Variants in STK39 observed in about 807,000 individuals in gnomAD.
The protein encoded by STK39 is serine/threonine kinase 39.
In STK39, 20 loss-of-function variants were observed where a neutral mutation model predicts 77.8. The ratio of observed to expected loss-of-function variants is 0.26; its 90% CI spans 0.18 to 0.37. The LOEUF is 0.37. Ranked by LOEUF, STK39 falls within the 10% of genes least tolerant of loss-of-function variation. STK39 has a pLI of 1.00. For missense variants in STK39, 479 were observed against 656.5 expected, an observed-to-expected ratio of 0.73 and a Z score of 2.95; for synonymous variants, 246 against 234.1, an observed-to-expected ratio of 1.05 and a Z score of -0.47.
intron 10 of STK39, among the ~76,000 whole-genome samples, chr2:168,097,144 G>A (rs1424911708): frequency 6.6e-6 from 1 of 152,192 alleles, no homozygotes; most frequent in Non-Finnish European, 1.5e-5. Flanking sequence ...ACTTGGAGAT[G>A]ACTGCTTTGA....
chr2:168,089,212 T>C (rs1257677556), intron 10 of STK39, among the ~76,000 whole-genome samples: 7 of 152,202 alleles, frequency 4.6e-5, no homozygotes, highest in Admixed American at 3.9e-4. Context: ...AAGAGTGTCC[T>C]AGAATGTTTT....
At chr2:168,013,080 A>G in intron 15 of STK39, among the ~76,000 whole-genome samples, 1 of 152,096 alleles carries the variant, frequency 6.6e-6, no homozygotes, top group Middle Eastern at 3.2e-3. Context: ...CTTTTTTATC[A>G]TTAGTAGCTA....
At chr2:168,114,184 G>C (rs1380182213) in intron 10 of STK39, among the ~76,000 whole-genome samples, 3 of 152,324 alleles carry the variant, frequency 2.0e-5, no homozygotes, top group East Asian at 1.9e-4. Flanking sequence ...AGCAAGAACA[G>C]TTTTATCTAA....
chr2:168,017,275 C>A (rs1275906430), intron 14 of STK39, among the ~76,000 whole-genome samples, 180 bp from the exon 15 acceptor site: 6 of 151,294 alleles, frequency 4.0e-5, no homozygotes. Flanking sequence ...GAAGAGATTT[C>A]TTTAATTTGA....
intron 14 of STK39, among the ~76,000 whole-genome samples, chr2:168,058,145 C>T (rs1685573498): frequency 6.6e-6 from 1 of 152,208 alleles, no homozygotes; most frequent in African/African-American, 2.4e-5. Context: ...ATCCCCTGTT[C>T]TCTCTTGCCA....
chr2:168,215,053 T>A (rs1689992559), intron 1 of STK39, among the ~76,000 whole-genome samples: 2 of 152,238 alleles, frequency 1.3e-5, no homozygotes, highest in African/African-American at 4.8e-5. Context: ...CAACACCGTA[T>A]TTGCGCTGAC....
intron 1 of STK39, among the ~76,000 whole-genome samples, chr2:168,189,866 C>A (rs953686566): frequency 6.6e-6 from 1 of 152,124 alleles, no homozygotes; most frequent in African/African-American, 2.4e-5. Context: ...GAACATGCAA[C>A]CTGGAGTAAA....
At chr2:167,988,007 A>G (rs1683604033) in intron 16 of STK39, among the ~76,000 whole-genome samples, 1 of 152,200 alleles carries the variant, frequency 6.6e-6, no homozygotes, top group African/African-American at 2.4e-5. Context: ...AGGCACACAG[A>G]GATGAAGCAA....
At chr2:168,140,413 A>C in intron 6 of STK39, 23 bp from the exon 7 acceptor site, 1 of 1,595,388 alleles carries the variant, frequency 6.3e-7, no homozygotes. Context: ...GCAGGAAAAA[A>C]ACACAATCAT....
chr2:168,071,816 G>C (rs1685947905), intron 12 of STK39, among the ~76,000 whole-genome samples: 1 of 150,550 alleles, frequency 6.6e-6, no homozygotes, highest in Non-Finnish European at 1.5e-5. Context: ...CTTGCAGAGA[G>C]CCGAGATTGC....
chr2:168,144,661 T>C (rs1055959698), intron 5 of STK39, among the ~76,000 whole-genome samples: 1 of 151,930 alleles, frequency 6.6e-6, no homozygotes, highest in African/African-American at 2.4e-5. Context: ...TTACCATGTA[T>C]GACTATTCTT....
chr2:168,095,840 A>G (rs995537796), intron 10 of STK39, among the ~76,000 whole-genome samples: 1 of 152,016 alleles, frequency 6.6e-6, no homozygotes, highest in Non-Finnish European at 1.5e-5. Context: ...ATAAATGTCT[A>G]CCAAGATGAC....
chr2:168,218,423 G>C (rs200222657), intron 1 of STK39, among the ~76,000 whole-genome samples: 1 of 152,194 alleles, frequency 6.6e-6, no homozygotes, highest in South Asian at 2.1e-4. Context: ...ATCAAAAATA[G>C]TGACCGTAGG....
intron 1 of STK39, among the ~76,000 whole-genome samples, chr2:168,190,238 G>A (rs780984280): frequency 4.6e-5 from 7 of 152,218 alleles, no homozygotes; most frequent in Non-Finnish European, 1.0e-4. Context: ...GAAGACACCC[G>A]CAGACAAGGC....
At chr2:168,152,107 C>A (rs576496749) in intron 5 of STK39, among the ~76,000 whole-genome samples, 1 of 152,202 alleles carries the variant, frequency 6.6e-6, no homozygotes, top group Non-Finnish European at 1.5e-5. Flanking sequence ...CCCAGATGTG[C>A]TGAAGGTTCC....
chr2:168,083,697 G>T (rs780316332), intron 10 of STK39, among the ~76,000 whole-genome samples: 35 of 152,022 alleles, frequency 2.3e-4, no homozygotes, highest in Non-Finnish European at 3.7e-4. Flanking sequence ...CATGTAATGT[G>T]GCTGGGTCAC....
chr2:168,201,590 A>C (rs2105675216), intron 1 of STK39, among the ~76,000 whole-genome samples: 1 of 152,356 alleles, frequency 6.6e-6, no homozygotes, highest in African/African-American at 2.4e-5. Context: ...ATTCAATGAA[A>C]GAAGAGATAA....
At chr2:168,227,781 C>T (rs996597800) in intron 1 of STK39, among the ~76,000 whole-genome samples, 17 of 152,162 alleles carry the variant, frequency 1.1e-4, no homozygotes, top group Non-Finnish European at 2.4e-4. Context: ...CCTCAGCCTC[C>T]CGAGTAGCTG....
intron 1 of STK39, among the ~76,000 whole-genome samples, chr2:168,201,953 C>T (rs568004435): frequency 1.8e-4 from 27 of 152,324 alleles, no homozygotes; most frequent in African/African-American, 4.3e-4. Flanking sequence ...CTTTGTCCTG[C>T]TTGAAAGAGC....
Sources: gnomAD v4.1 joint callset for allele counts (sites outside exome capture counted in the v4.1 genomes callset) on GRCh38, gnomAD v4.1.1 for gene constraint, MANE v1.5 for transcripts, NCBI Gene and HGNC (gene_info 2026-07-23, HGNC 2026-07-21) for gene names.